Variants in PTK7 observed in about 807,000 individuals in gnomAD.
The protein encoded by PTK7 is inactive tyrosine-protein kinase 7.
Under a neutral mutation model 116.6 loss-of-function variants are expected in PTK7, and 39 were observed. The observed-to-expected ratio is 0.33, with a 90% confidence interval of 0.26 to 0.44. The LOEUF is 0.44. PTK7 is among the 20% of genes least tolerant of loss of function. The pLI is 1.00. For synonymous variants in PTK7, 546 were observed against 563.6 expected (o/e 0.97, Z 0.44); for missense variants, 1,169 against 1,425.6 (o/e 0.82, Z 2.90).
intron 1 of PTK7, among the ~76,000 whole-genome samples, chr6:43,120,548 T>G (rs1465379583): frequency 6.6e-6 from 1 of 152,204 alleles, no homozygotes; most frequent in African/African-American, 2.4e-5. Context: ...ACACACCTGC[T>G]GTTTGTTAGG....
chr6:43,141,883 C>T lies in PTK7; in HGVS notation c.1769-48C>T, dbSNP rs1056684940. On this transcript the variant is annotated intron_variant, in intron 11 of 19. Coordinates refer to ENST00000230419, the MANE Select transcript of PTK7 (RefSeq NM_002821.5). The surrounding 1 kb of genome is among the most constrained non-coding windows in gnomAD (Gnocchi z 4.9). Reference sequence around the variant, plus strand: ...GGGGTAGCACCGTGTACCCTGCCAGCCCCTTGGCTTACCCCTCCCTGCGCC... The same window carrying T: ...GGGGTAGCACCGTGTACCCTGCCAGTCCCTTGGCTTACCCCTCCCTGCGCC... 1 of 1,596,000 alleles carries T rather than the reference C, an allele frequency of 6.3e-7. No individual in the cohort carries two copies.
chr6:43,144,854 T>TA (rs1020743105), intron 15 of PTK7: 31,534 of 312,482 alleles, frequency 0.1, no homozygotes, highest in Middle Eastern at 0.15. Flanking sequence ...ATTGACTCTT[T>TA]AAAAAAAAAA....
intron 17 of PTK7, among the ~76,000 whole-genome samples, chr6:43,153,365 G>GGCC (rs1041215876): frequency 2.0e-5 from 3 of 151,498 alleles, no homozygotes; most frequent in African/African-American, 7.3e-5. Context: ...TGCCTGCCTT[G>GGCC]GCCTCCCAAA....
At chr6:43,090,409 A>G (rs1398667341) in intron 1 of PTK7, among the ~76,000 whole-genome samples, 2 of 152,210 alleles carry the variant, frequency 1.3e-5, no homozygotes, top group South Asian at 2.1e-4. Flanking sequence ...GGTATTTGCA[A>G]ATTTGAAACA....
intron 1 of PTK7, among the ~76,000 whole-genome samples, chr6:43,118,749 A>ATGTG (rs58128834): frequency 3.6e-4 from 43 of 118,756 alleles, no homozygotes; most frequent in East Asian, 2.4e-3. Flanking sequence ...ATGTGTGTGT[A>ATGTG]TGTGTGTGTG....
chr6:43,116,649 T>C (rs867052810), intron 1 of PTK7, among the ~76,000 whole-genome samples: 1,597 of 73,536 alleles, frequency 0.022, 21 homozygotes, highest in African/African-American at 0.056. Context: ...TGTGTGTGTG[T>C]GTGCGCGCGC....
At chr6:43,158,463 G>GTC (rs1783696508) in intron 17 of PTK7, among the ~76,000 whole-genome samples, 2 of 152,234 alleles carry the variant, frequency 1.3e-5, no homozygotes, top group South Asian at 4.1e-4. Flanking sequence ...GCAAGACCCT[G>GTC]TCACTTGAAA....
intron 1 of PTK7, among the ~76,000 whole-genome samples, chr6:43,105,124 TAA>T (rs200996532): frequency 6.6e-5 from 10 of 150,452 alleles, no homozygotes; most frequent in African/African-American, 2.4e-4. Context: ...TTTTTTTTTT[TAA>T]AAAAACTTCT....
chr6:43,141,615 G>A lies in PTK7; in HGVS notation c.1619-53G>A. On this transcript the variant is annotated intron_variant, in intron 10 of 19. Transcript: ENST00000230419. The surrounding 1 kb of genome is among the most constrained non-coding windows in gnomAD (Gnocchi z 4.9). The stretch of plus-strand genomic sequence containing the variant: ...AGGTGAGGGACTGAAGGCATTGCCA[G>A]CTGTCTGTGTAACCCTGATCCTTCC... The A allele has an allele frequency of 6.4e-7, 1 of 1,574,628 alleles. No individual in the cohort carries two copies. Among genetic ancestry groups the A allele is most frequent in the South Asian group, 1.1e-5 (1 of 88,106 alleles).
chr6:43,093,589 A>G (rs1767076649), intron 1 of PTK7, among the ~76,000 whole-genome samples: 1 of 152,092 alleles, frequency 6.6e-6, no homozygotes, highest in Non-Finnish European at 1.5e-5. Flanking sequence ...CCCCAGCAGC[A>G]CACTTGTGTG....
intron 1 of PTK7, among the ~76,000 whole-genome samples, chr6:43,102,188 G>T (rs1470608165): frequency 3.3e-5 from 5 of 152,184 alleles, no homozygotes. Flanking sequence ...ACTTTGGGAG[G>T]CCGAGGTGGG....
chr6:43,120,687 A>C (rs1441935403), intron 1 of PTK7, among the ~76,000 whole-genome samples: 1 of 152,038 alleles, frequency 6.6e-6, no homozygotes, highest in Non-Finnish European at 1.5e-5. Flanking sequence ...TCTGTGATTC[A>C]TTGCAGCCAG....
intron 5 of PTK7, 50 bp from the exon 6 acceptor site, chr6:43,131,966 G>C: frequency 6.2e-7 from 1 of 1,610,816 alleles, no homozygotes; most frequent in Non-Finnish European, 8.5e-7. Context: ...TTCCTTTCCA[G>C]AACTAGGCCT....
intron 7 of PTK7, among the ~76,000 whole-genome samples, chr6:43,138,152 G>A (rs868381335): frequency 1.3e-4 from 20 of 149,144 alleles, no homozygotes; most frequent in Non-Finnish European, 2.7e-4. Context: ...TGTAAAGTGC[G>A]TGTTGGAATA....
At position 43,143,453 on chromosome 6, in the gene PTK7, G is replaced by A. The variant is rs1770538922; in HGVS notation, c.2084G>A (p.Ser695Asn). The A allele has an allele frequency of 6.2e-7, 1 of 1,614,096 alleles. No homozygotes were observed. Among genetic ancestry groups the A allele is most frequent in the Non-Finnish European group, 8.5e-7 (1 of 1,180,028 alleles). ...CCGGAGGAGTCGGAGGGCCCTGGCA[G>A]CCCTCCCCCCTACAAGATGATCCAG... ...PVPEESEGPG[S>N]PPPYKMIQTI... The change falls in exon 14 of 20, where the codon AGC becomes AAC. Residue 695 changes from serine (S) to asparagine (N), a missense_variant. Physicochemically the swap from Ser to Asn is conservative, Grantham distance 46 (BLOSUM62 1). Coordinates refer to ENST00000230419, the MANE Select transcript of PTK7 (RefSeq NM_002821.5). This position sits in a 1 kb window ranked among gnomAD's most constrained non-coding sequence, Gnocchi z 4.2.
intron 1 of PTK7, among the ~76,000 whole-genome samples, chr6:43,077,731 A>T (rs1350264025): frequency 6.6e-6 from 1 of 152,196 alleles, no homozygotes; most frequent in Non-Finnish European, 1.5e-5. Context: ...GAAGGTGGCA[A>T]TGGGAAGGGC....
In PTK7 at chr6:43,160,824, C is replaced by T. The variant is rs773851759; in HGVS notation, c.3156C>T (p.Pro1052=). Residue 1052 remains proline, a synonymous_variant, in exon 20 of 20, where the codon CCC becomes CCT. Coordinates refer to ENST00000230419, the MANE Select transcript of PTK7 (RefSeq NM_002821.5). Reference sequence around the variant, plus strand: ...GGGCCCTCAGCCCCAAGGACCGGCCCTCCTTCAGTGAGATTGCCAGCGCCC... The same window carrying T: ...GGGCCCTCAGCCCCAAGGACCGGCCTTCCTTCAGTGAGATTGCCAGCGCCC... ...RCWALSPKDR[P]SFSEIASALG... 6 of 1,614,194 alleles carry T rather than the reference C, an allele frequency of 3.7e-6. No individual in the cohort carries two copies. The East Asian group carries it at 1.3e-4, about 36-fold the overall frequency.
intron 1 of PTK7, among the ~76,000 whole-genome samples, chr6:43,083,250 C>G (rs547801727): frequency 3.9e-4 from 60 of 152,358 alleles, no homozygotes; most frequent in African/African-American, 1.4e-3. Flanking sequence ...TGGGCACTAC[C>G]CCTGGCCAGA....
chr6:43,152,522 G>C (rs898572733), intron 17 of PTK7, among the ~76,000 whole-genome samples: 2 of 152,348 alleles, frequency 1.3e-5, no homozygotes, highest in South Asian at 4.1e-4. Context: ...GTGAGACTCC[G>C]TCTGGATGAG....
Sources: allele counts gnomAD v4.1 joint callset (sites outside exome capture counted in the v4.1 genomes callset), GRCh38; gene constraint gnomAD v4.1.1; non-coding constraint Gnocchi (gnomAD v3.1); transcripts MANE v1.5; gene names NCBI Gene and HGNC (gene_info 2026-07-23, HGNC 2026-07-21).